The following GPC3 variants were observed in gnomAD, a reference collection of about 807,000 sequenced individuals.
GPC3 encodes the protein glypican-3.
Under a neutral mutation model 34.4 loss-of-function variants are expected in GPC3, and 3 were observed. The ratio of observed to expected loss-of-function variants is 0.09; its 90% CI spans 0.04 to 0.23. GPC3 has a LOEUF of 0.23. Ranked by LOEUF, GPC3 falls within the 10% of genes least tolerant of loss-of-function variation. The probability of loss-of-function intolerance (pLI) is 1.00; values close to 1 mark genes in which losing one functional copy is unlikely to be tolerated. For missense variants in GPC3, 351 were observed against 445.6 expected (o/e 0.79, Z 1.91); for synonymous variants, 177 against 174.0 (o/e 1.02, Z -0.13).
intron 2 of GPC3, among the ~76,000 whole-genome samples, chrX:133,914,352 C>T (rs929096498): frequency 1.8e-5 from 2 of 111,117 alleles, no homozygotes; most frequent in African/African-American, 6.6e-5. Flanking sequence ...ATTATCAGCC[C>T]CAGGGATTCA....
intron 2 of GPC3, among the ~76,000 whole-genome samples, chrX:133,791,748 C>T (rs2072161690): frequency 9.1e-6 from 1 of 110,122 alleles, no homozygotes; most frequent in African/African-American, 3.3e-5. Flanking sequence ...AATGTCACCC[C>T]ACCTGCATCT....
At chrX:133,623,180 C>A (rs1189284047) in intron 6 of GPC3, among the ~76,000 whole-genome samples, 1 of 111,920 alleles carries the variant, frequency 8.9e-6, no homozygotes, top group African/African-American at 3.2e-5. Flanking sequence ...TGGAAAGGAA[C>A]AACTGGTACC....
At chrX:133,803,567 G>C (rs1236904023) in intron 2 of GPC3, among the ~76,000 whole-genome samples, 2 of 111,957 alleles carry the variant, frequency 1.8e-5, no homozygotes, top group South Asian at 7.5e-4. Context: ...CCAAGACATA[G>C]TCAAAGGGGA....
At chrX:133,924,903 G>C (rs1193663937) in intron 2 of GPC3, among the ~76,000 whole-genome samples, 2 of 109,621 alleles carry the variant, frequency 1.8e-5, no homozygotes, top group African/African-American at 6.7e-5. Flanking sequence ...TGTAGAAGAG[G>C]TGGGTAAGGT....
At chrX:133,735,436 T>C (rs1460819749) in intron 3 of GPC3, among the ~76,000 whole-genome samples, 1 of 111,401 alleles carries the variant, frequency 9.0e-6, no homozygotes, top group African/African-American at 3.3e-5. Flanking sequence ...TGCCACTACC[T>C]CATACCATAT....
At chrX:133,680,333 C>T (rs1266087619) in intron 5 of GPC3, among the ~76,000 whole-genome samples, 1 of 111,844 alleles carries the variant, frequency 8.9e-6, no homozygotes, top group Non-Finnish European at 1.9e-5. Context: ...TGAACAAGTA[C>T]TCATCCCAGC....
intron 2 of GPC3, among the ~76,000 whole-genome samples, chrX:133,847,620 C>T (rs2075852774): frequency 8.9e-6 from 1 of 112,094 alleles, no homozygotes; most frequent in Non-Finnish European, 1.9e-5. Context: ...AGCACACACA[C>T]GTATCTACAA....
chrX:133,966,206 C>A (rs1187038152), intron 1 of GPC3, among the ~76,000 whole-genome samples: 2 of 112,220 alleles, frequency 1.8e-5, no homozygotes, highest in Non-Finnish European at 3.8e-5. Context: ...AAAGGCATTT[C>A]TTTTGTTATG....
At chrX:133,823,297 C>T (rs1230011562) in intron 2 of GPC3, among the ~76,000 whole-genome samples, 1 of 109,280 alleles carries the variant, frequency 9.2e-6, no homozygotes, top group Non-Finnish European at 1.9e-5. Flanking sequence ...AACTACTAAC[C>T]CAGAATTCTG....
intron 6 of GPC3, among the ~76,000 whole-genome samples, chrX:133,646,704 A>G (rs2070548236): frequency 8.9e-6 from 1 of 112,273 alleles, no homozygotes; most frequent in Non-Finnish European, 1.9e-5. Flanking sequence ...CAGACAAAGT[A>G]GGTTTCCCAT....
At chrX:133,929,516 T>C (rs1266159845) in intron 2 of GPC3, among the ~76,000 whole-genome samples, 1 of 112,062 alleles carries the variant, frequency 8.9e-6, no homozygotes, top group African/African-American at 3.2e-5. Flanking sequence ...GCTTCCCTGC[T>C]TTCCTTGCTC....
intron 6 of GPC3, among the ~76,000 whole-genome samples, chrX:133,647,337 C>T (rs1388476035): frequency 3.6e-5 from 4 of 112,391 alleles, no homozygotes; most frequent in Non-Finnish European, 7.5e-5. Context: ...CCGAGACATC[C>T]GCTCTGTCTT....
chrX:133,985,098 C>T (rs894066237), intron 1 of GPC3, among the ~76,000 whole-genome samples, 177 bp downstream of exon 1: 1 of 112,226 alleles, frequency 8.9e-6, no homozygotes, highest in Non-Finnish European at 1.9e-5. Context: ...TCCACACACA[C>T]CCTCTCTCCC....
intron 2 of GPC3, among the ~76,000 whole-genome samples, chrX:133,858,810 G>A (rs1178127015): frequency 4.5e-5 from 5 of 111,548 alleles, no homozygotes; most frequent in East Asian, 2.8e-4. Context: ...GGCCAGGCGC[G>A]GTGGCTCACG....
chrX:133,584,102 C>T lies in GPC3; in HGVS notation c.1573+12338G>A, dbSNP rs1321944568. 6.2e-5 allele frequency among the ~76,000 whole-genome samples: 7 copies of T among 112,092 alleles called. No homozygotes were observed. The East Asian group carries it at 8.5e-4, about 14-fold the overall frequency. ...TCTCAGATCTCTTTGCTCACAAATACGGCTGCTAAAAGTTGAGGATACTTT... is the reference window on the plus strand; with the variant it reads ...TCTCAGATCTCTTTGCTCACAAATATGGCTGCTAAAAGTTGAGGATACTTT... On this transcript the variant is annotated intron_variant, in intron 7 of 7. Transcript: ENST00000370818.
At chrX:133,932,090 T>C (rs2076301147) in intron 2 of GPC3, among the ~76,000 whole-genome samples, 1 of 112,242 alleles carries the variant, frequency 8.9e-6, no homozygotes, top group African/African-American at 3.2e-5. Flanking sequence ...CTCTCTTTAT[T>C]AAAACAGAAA....
chrX:133,963,421 C>T (rs968449435), intron 1 of GPC3, among the ~76,000 whole-genome samples: 14 of 112,052 alleles, frequency 1.2e-4, no homozygotes, highest in African/African-American at 4.2e-4. Context: ...ACAATAACAC[C>T]TACTCTCAAG....
intron 6 of GPC3, among the ~76,000 whole-genome samples, chrX:133,649,587 G>T (rs991351836): frequency 2.7e-5 from 3 of 111,363 alleles, no homozygotes; most frequent in African/African-American, 9.8e-5. Context: ...GCTCCCCATG[G>T]GGATACCCTT....
At chrX:133,605,577 A>G (rs1393303969) in intron 6 of GPC3, among the ~76,000 whole-genome samples, 4 of 112,296 alleles carry the variant, frequency 3.6e-5, no homozygotes, top group African/African-American at 9.7e-5. Context: ...ACAAATAAAT[A>G]GAATAATGCA....
Sources: gnomAD v4.1 joint callset for allele counts (sites outside exome capture counted in the v4.1 genomes callset) on GRCh38, gnomAD v4.1.1 for gene constraint, MANE v1.5 for transcripts, NCBI Gene and HGNC (gene_info 2026-07-23, HGNC 2026-07-21) for gene names.